Variants in PARP1 observed in about 807,000 individuals in gnomAD.
PARP1 encodes poly(ADP-ribose) polymerase 1.
Under a neutral mutation model 118.7 loss-of-function variants are expected in PARP1, and 44 were observed. That is an observed-to-expected ratio of 0.37 (90% CI 0.29 to 0.48). The LOEUF (loss-of-function observed/expected upper bound fraction) is 0.48, where lower values mean the gene tolerates loss of function less well. Among genes scored for constraint, PARP1 ranks in the 20% least tolerant of loss-of-function variants. The pLI is 0.99. For missense variants in PARP1, 1,100 were observed against 1,272.4 expected (o/e 0.86, Z 2.06); for synonymous variants, 492 against 483.2 (o/e 1.02, Z -0.24).
Position 226,379,574 on chromosome 1 carries a change from A to G in PARP1, c.1611T>C (p.Ser537=). ...LKGGAAVDPD[S]GLEHSAHVLE... is the part of the protein sequence containing the mutation. Reference sequence around the variant, plus strand: ...TTGCTGGCAGTCCTGTTTGCTTACCAGAATCAGGATCCACAGCTGCTCCTC... The same window carrying G: ...TTGCTGGCAGTCCTGTTTGCTTACCGGAATCAGGATCCACAGCTGCTCCTC... The change falls in exon 11 of 23, where the codon TCT becomes TCC. Residue 537 remains serine (S), a splice_region_variant and synonymous_variant. Coordinates refer to ENST00000366794, the MANE Select transcript of PARP1 (RefSeq NM_001618.4). 2 of 1,611,732 alleles carry G rather than the reference A, an allele frequency of 1.2e-6. No individual in the cohort carries two copies. Among genetic ancestry groups the G allele is most frequent in the Non-Finnish European group, 1.7e-6 (2 of 1,178,008 alleles).
At chr1:226,362,167 G>T in intron 21 of PARP1, 84 bp from the exon 22 acceptor site, 1 of 772,898 alleles carries the variant, frequency 1.3e-6, no homozygotes, top group Non-Finnish European at 2.3e-6. Flanking sequence ...ATTTGATGTT[G>T]GGTCCATGTG....
intron 15 of PARP1, among the ~76,000 whole-genome samples, chr1:226,368,823 G>A (rs1315289157): frequency 6.6e-6 from 1 of 152,160 alleles, no homozygotes; most frequent in Non-Finnish European, 1.5e-5. Flanking sequence ...GGCACAGAAA[G>A]GCTAAGCAAT....
At chr1:226,401,881 A>G (rs1216421987) in intron 2 of PARP1, 24 of 993,212 alleles carry the variant, frequency 2.4e-5, no homozygotes, top group East Asian at 2.7e-5. Context: ...AGGTGTTGAC[A>G]AGGAAGAGCC....
At chr1:226,376,786 C>T (rs771833627) in intron 13 of PARP1, among the ~76,000 whole-genome samples, 4 of 152,104 alleles carry the variant, frequency 2.6e-5, no homozygotes, top group African/African-American at 4.8e-5. Flanking sequence ...TGTATAGATC[C>T]GTCTATGCTG....
At chr1:226,404,178 C>A (rs1257603867) in intron 1 of PARP1, among the ~76,000 whole-genome samples, 2 of 145,116 alleles carry the variant, frequency 1.4e-5, no homozygotes, top group Non-Finnish European at 3.0e-5. Context: ...AGCAACATGT[C>A]ACAGAGGGCA....
chr1:226,365,803 AC>A, intron 18 of PARP1, 150 bp downstream of exon 18: 3 of 642,560 alleles, frequency 4.7e-6, no homozygotes, highest in East Asian at 2.8e-5. Flanking sequence ...CAAAAAAAAA[AC>A]TACTAATTTT....
At chr1:226,407,723 C>G in intron 1 of PARP1, 87 bp downstream of exon 1, 1 of 1,315,124 alleles carries the variant, frequency 7.6e-7, no homozygotes, top group Non-Finnish European at 1.0e-6. Flanking sequence ...CCGCTCGCTC[C>G]CTGGGCCCGC....
At chr1:226,407,688 C>A (rs4653734) in intron 1 of PARP1, 122 bp downstream of exon 1, 5 of 961,680 alleles carry the variant, frequency 5.2e-6, no homozygotes. Context: ...CCATAGGCCC[C>A]AAGTGCCGCT....
At chr1:226,385,156 T>C (rs1278849989) in intron 7 of PARP1, among the ~76,000 whole-genome samples, 1 of 152,200 alleles carries the variant, frequency 6.6e-6, no homozygotes, top group Non-Finnish European at 1.5e-5. Context: ...GAAAAAACCT[T>C]GTATCAGAAA....
At chr1:226,406,586 C>T (rs985803572) in intron 1 of PARP1, among the ~76,000 whole-genome samples, 1 of 152,190 alleles carries the variant, frequency 6.6e-6, no homozygotes, top group Non-Finnish European at 1.5e-5. Flanking sequence ...GGCATCCATC[C>T]TCTCTTACGG....
Position 226,377,128 on chromosome 1 carries a change from G to A in PARP1, c.1921C>T (p.Leu641=), listed in dbSNP as rs1187118130. 1.2e-6 allele frequency: 2 copies of A among 1,613,912 alleles called. No homozygotes were observed. The highest frequency in any genetic ancestry group is 1.3e-5 in the African/African-American group (1 of 75,026). ...GTTACCTGGCCATAGTCAATCTCCA[G>A]GGGGTAGAACTTTTTGGGATACTTC... ...FTKYPKKFYP[L]EIDYGQDEEA... The change falls in exon 13 of 23, where the codon CTG becomes TTG. Residue 641 remains leucine (L), a synonymous_variant. Coordinates refer to ENST00000366794, the MANE Select transcript of PARP1 (RefSeq NM_001618.4).
chr1:226,369,079 C>A (rs1664326828), intron 15 of PARP1, among the ~76,000 whole-genome samples: 1 of 152,216 alleles, frequency 6.6e-6, no homozygotes, highest in African/African-American at 2.4e-5. Flanking sequence ...GTGGCTCTGG[C>A]AATGGGTAAG....
Position 226,379,263 on chromosome 1 carries a change from A to C in PARP1, c.1624T>G (p.Ser542Ala). ...AVDPDSGLEH[S>A]AHVLEKGGKV... is the part of the protein sequence containing the mutation. ...CCACCTTTCTCCAGGACATGCGCAG[A>C]GTGTTCCAGTCCTGTCCCAGAGGAA... Residue 542 changes from serine to alanine, a missense_variant, in exon 12 of 23, where the codon TCT becomes GCT. By Grantham distance (99) the Ser-to-Ala change is moderately conservative. Coordinates refer to ENST00000366794, the MANE Select transcript of PARP1 (RefSeq NM_001618.4). The C allele has an allele frequency of 6.2e-7, 1 of 1,614,222 alleles. No individual in the cohort carries two copies. Among genetic ancestry groups the C allele is most frequent in the Non-Finnish European group, 8.5e-7 (1 of 1,180,032 alleles).
At chr1:226,405,839 G>C (rs752477628) in intron 1 of PARP1, among the ~76,000 whole-genome samples, 4 of 152,134 alleles carry the variant, frequency 2.6e-5, no homozygotes, top group Non-Finnish European at 4.4e-5. Context: ...CAAATGGCCA[G>C]TCACGGTGGC....
At chr1:226,406,241 T>C (rs1665144630) in intron 1 of PARP1, among the ~76,000 whole-genome samples, 1 of 152,196 alleles carries the variant, frequency 6.6e-6, no homozygotes, top group Admixed American at 6.5e-5. Context: ...GAGGAAATAA[T>C]TTTATCTAGA....
At chr1:226,373,513 C>T (rs1021959666) in intron 14 of PARP1, among the ~76,000 whole-genome samples, 1 of 152,160 alleles carries the variant, frequency 6.6e-6, no homozygotes, top group Admixed American at 6.5e-5. Flanking sequence ...CGCCCTTTTG[C>T]ACTCATCTCC....
intron 2 of PARP1, among the ~76,000 whole-genome samples, chr1:226,394,381 T>C (rs761830339): frequency 6.6e-6 from 1 of 152,078 alleles, no homozygotes; most frequent in African/African-American, 2.4e-5. Context: ...CACTTAGGAA[T>C]GGTATGTTAG....
At chr1:226,393,774 T>C (rs563445170) in intron 2 of PARP1, among the ~76,000 whole-genome samples, 15 of 152,342 alleles carry the variant, frequency 9.8e-5, no homozygotes, top group African/African-American at 3.6e-4. Flanking sequence ...ACGGGGTCTA[T>C]GCTAGATATG....
intron 1 of PARP1, among the ~76,000 whole-genome samples, chr1:226,404,384 C>T (rs888683372): frequency 6.6e-6 from 1 of 152,234 alleles, no homozygotes; most frequent in Non-Finnish European, 1.5e-5. Context: ...TTTGCAATGG[C>T]CTCGACCTGG....
Sources: allele counts gnomAD v4.1 joint callset (sites outside exome capture counted in the v4.1 genomes callset), GRCh38; gene constraint gnomAD v4.1.1; transcripts MANE v1.5; gene names NCBI Gene and HGNC (gene_info 2026-07-23, HGNC 2026-07-21).